The following CELSR1 variants were observed in gnomAD, a reference collection of about 807,000 sequenced individuals.
CELSR1 encodes the protein cadherin EGF LAG seven-pass G-type receptor 1, also known as adhesion G protein-coupled receptor C1.
CELSR1 carries 110 observed loss-of-function variants against 249.1 expected under a neutral mutation model. The observed-to-expected ratio is 0.44, with a 90% CI of 0.38 to 0.52. The LOEUF (loss-of-function observed/expected upper bound fraction) is 0.52, where lower values mean the gene tolerates loss of function less well. Ranked by LOEUF, CELSR1 falls within the 20% of genes least tolerant of loss-of-function variation. The probability of loss-of-function intolerance (pLI) is 0.00; values close to 1 mark genes in which losing one functional copy is unlikely to be tolerated. For synonymous variants in CELSR1, 2,113 were observed against 1,900.0 expected, an observed-to-expected ratio of 1.11 and a Z score of -2.92; for missense variants, 4,109 against 4,296.4, an observed-to-expected ratio of 0.96 and a Z score of 1.22.
Position 46,411,481 on chromosome 22 carries a change from G to C in CELSR1, c.4769+121C>G, listed in dbSNP as rs1228574447. ...GGACAGGATGTCTGACTCTAGCCTGGAATGAGGTCGCCAGGGCACTGCACC... is the reference window on the plus strand; with the variant it reads ...GGACAGGATGTCTGACTCTAGCCTGCAATGAGGTCGCCAGGGCACTGCACC... On this transcript the variant is annotated intron_variant, in intron 6 of 34. Coordinates refer to ENST00000674500, the MANE Select transcript of CELSR1 (RefSeq NM_001378328.1). The surrounding 1 kb of genome is among the most constrained non-coding windows in gnomAD (Gnocchi z 4.2). 1.8e-6 allele frequency: 2 copies of C among 1,131,098 alleles called. No homozygotes were observed. The highest frequency in any genetic ancestry group is 2.6e-5 in the East Asian group (1 of 38,948). 70.1% of individuals were successfully genotyped at this position (1,131,098 alleles called of 1,614,324 possible). A position where few individuals can be genotyped will look rare whatever the true frequency, so the allele number is the denominator to read the frequency against.
chr22:46,394,925 G>A (rs1011768070), intron 13 of CELSR1, among the ~76,000 whole-genome samples: 1 of 152,212 alleles, frequency 6.6e-6, no homozygotes, highest in Admixed American at 6.5e-5. Context: ...CTGTGCATGA[G>A]TCTCCCTACC....
chr22:46,442,588 CG>C (rs1462441724), intron 2 of CELSR1, among the ~76,000 whole-genome samples: 1 of 152,248 alleles, frequency 6.6e-6, no homozygotes, highest in Non-Finnish European at 1.5e-5. Flanking sequence ...ACCTCAGCCA[CG>C]GGCTGATTTC....
rs767776920 is a variant in CELSR1, at chr22:46,363,182, G to A, written c.*41C>T. 32 of 1,613,440 alleles carry A rather than the reference G, an allele frequency of 2.0e-5. No homozygotes were observed. The highest frequency in any genetic ancestry group is 1.3e-4 in the African/African-American group (10 of 74,752). Reference sequence around the variant, plus strand: ...GTGTGGGGTGACGGGCTTGCCTCACGGTTTCCTGATGGTTCAAATTGAAGT... The same window carrying A: ...GTGTGGGGTGACGGGCTTGCCTCACAGTTTCCTGATGGTTCAAATTGAAGT... On this transcript the variant is annotated 3_prime_UTR_variant, in exon 35 of 35. Coordinates refer to ENST00000674500, the MANE Select transcript of CELSR1 (RefSeq NM_001378328.1). This position sits in a 1 kb window ranked among gnomAD's most constrained non-coding sequence, Gnocchi z 4.3.
intron 27 of CELSR1, 160 bp downstream of exon 27, chr22:46,369,019 G>A (rs376703135): frequency 7.0e-5 from 41 of 584,102 alleles, no homozygotes; most frequent in Middle Eastern, 4.8e-4. Context: ...CAGGTGCAAC[G>A]TGGCAAACCT....
rs763514288 is a variant in CELSR1 at position 46,390,501 on chromosome 22, C to A, written c.6251-15G>T. On this transcript the variant is annotated splice_polypyrimidine_tract_variant and intron_variant, in intron 16 of 34. Coordinates refer to ENST00000674500, the MANE Select transcript of CELSR1 (RefSeq NM_001378328.1). The surrounding 1 kb of genome is among the most constrained non-coding windows in gnomAD (Gnocchi z 6.3). Reference sequence around the variant, plus strand: ...GACCGCATTTCCTGGGGAAGGAGAGCAGGTGTGCAAAGCCTGAAACTCAAA... The same window carrying A: ...GACCGCATTTCCTGGGGAAGGAGAGAAGGTGTGCAAAGCCTGAAACTCAAA... 1 of 1,605,894 alleles carries A rather than the reference C, an allele frequency of 6.2e-7. No homozygotes were observed. The highest frequency in any genetic ancestry group is 1.7e-5 in the Admixed American group (1 of 59,660).
intron 1 of CELSR1, among the ~76,000 whole-genome samples, chr22:46,521,758 A>C (rs1470561682): frequency 6.6e-6 from 1 of 152,062 alleles, no homozygotes; most frequent in Non-Finnish European, 1.5e-5. Flanking sequence ...TAGAGGCCGC[A>C]GTGAGCCAAG....
chr22:46,517,901 T>C lies in CELSR1; in HGVS notation c.3544+15726A>G. On this transcript the variant is annotated intron_variant, in intron 1 of 34. Coordinates refer to ENST00000674500, the MANE Select transcript of CELSR1 (RefSeq NM_001378328.1). This position sits in a 1 kb window ranked among gnomAD's most constrained non-coding sequence, Gnocchi z 5.4. ...ATTACACACCTCCCACGGTGTCCCCTTCCTTTTTTTTTTTTTTTGAGACAG... is the reference window on the plus strand; with the variant it reads ...ATTACACACCTCCCACGGTGTCCCCCTCCTTTTTTTTTTTTTTTGAGACAG... Among the ~76,000 whole-genome samples the C allele has an allele frequency of 1.0e-5, 1 of 95,486 alleles. No individual in the cohort carries two copies. Among genetic ancestry groups the C allele is most frequent in the South Asian group, 5.7e-4 (1 of 1,768 alleles). The allele number at this position is 95,486 out of a possible 152,430, so 62.6% of individuals were successfully genotyped here.
Position 46,536,322 on chromosome 22 carries a change from G to A in CELSR1, c.849C>T (p.Tyr283=). The A allele has an allele frequency of 6.2e-7, 1 of 1,612,800 alleles. No individual in the cohort carries two copies. ...AGCGCTCGTCGAACAGCCCCTCCATGTAATAGCTCACGCGCTCCTCCTCGC... is the reference window on the plus strand; with the variant it reads ...AGCGCTCGTCGAACAGCCCCTCCATATAATAGCTCACGCGCTCCTCCTCGC... ...IEGEEERVSY[Y]MEGLFDERSR... Residue 283 remains tyrosine (Y), a synonymous_variant, in exon 1 of 35, where the codon TAC becomes TAT. Coordinates refer to ENST00000674500, the MANE Select transcript of CELSR1 (RefSeq NM_001378328.1).
intron 1 of CELSR1, among the ~76,000 whole-genome samples, chr22:46,503,034 C>G (rs1405856674): frequency 6.6e-6 from 1 of 152,164 alleles, no homozygotes; most frequent in African/African-American, 2.4e-5. Flanking sequence ...CCAGGACAGC[C>G]CCCCTTCTCC....
intron 1 of CELSR1, among the ~76,000 whole-genome samples, chr22:46,507,171 A>G (rs955456945): frequency 6.6e-6 from 1 of 152,118 alleles, no homozygotes; most frequent in Non-Finnish European, 1.5e-5. Context: ...GGGCGACAAG[A>G]GTGAAACTCT....
In CELSR1 at chr22:46,490,626, G is replaced by C. The variant is rs5767221; in HGVS notation, c.3545-26281C>G. Reference sequence around the variant, plus strand: ...AAATGTTCTAAGCAGAGTGAGCGTCGTGGAGCCTCCCTCAGGCATGGCTGT... The same window carrying C: ...AAATGTTCTAAGCAGAGTGAGCGTCCTGGAGCCTCCCTCAGGCATGGCTGT... On this transcript the variant is annotated intron_variant, in intron 1 of 34. Transcript: ENST00000674500. This position sits in a 1 kb window ranked among gnomAD's most constrained non-coding sequence, Gnocchi z 5.2. Among the ~76,000 whole-genome samples the C allele has an allele frequency of 1.3e-5, 2 of 151,822 alleles. No individual in the cohort carries two copies. Among genetic ancestry groups the C allele is most frequent in the African/African-American group, 4.8e-5 (2 of 41,304 alleles).
rs1410664350 is a variant in CELSR1 at position 46,472,421 on chromosome 22, T to C, written c.3545-8076A>G. Among the ~76,000 whole-genome samples, 4 of 151,910 alleles carry C rather than the reference T, an allele frequency of 2.6e-5. No individual in the cohort carries two copies. Among genetic ancestry groups the C allele is most frequent in the Admixed American group, 2.6e-4 (4 of 15,266 alleles). On this transcript the variant is annotated intron_variant, in intron 1 of 34. Transcript: ENST00000674500. This position sits in a 1 kb window ranked among gnomAD's most constrained non-coding sequence, Gnocchi z 7.0. ...GCAGCCCTCAGGGGACAGGGGACAG[T>C]GCCGCAGTTCCGAGACTCGGTGGCA...
At position 46,365,395 on chromosome 22, in the gene CELSR1, G is replaced by C. The variant is rs1159532500; in HGVS notation, c.8405-15C>G. On this transcript the variant is annotated splice_polypyrimidine_tract_variant and intron_variant, in intron 31 of 34. Coordinates refer to ENST00000674500, the MANE Select transcript of CELSR1 (RefSeq NM_001378328.1). ...GGAATCGTGGCCTGTGGATGCGCGGGGGACAGGGAGGCTCAGGCCCTGGGA... is the reference window on the plus strand; with the variant it reads ...GGAATCGTGGCCTGTGGATGCGCGGCGGACAGGGAGGCTCAGGCCCTGGGA... 2.5e-6 allele frequency: 4 copies of C among 1,611,532 alleles called. No homozygotes were observed. Among genetic ancestry groups the C allele is most frequent in the East Asian group, 2.2e-5 (1 of 44,866 alleles).
At position 46,367,034 on chromosome 22, in the gene CELSR1, G is replaced by A. The variant is rs1288228206; in HGVS notation, c.8164C>T (p.His2722Tyr). Reference protein sequence around the residue: ...LKGVLGGRKLHLEDSATTRAT... With the variant: ...LKGVLGGRKLYLEDSATTRAT... ...CTGGTGGTGGCGGAGTCCTCCAGGT[G>A]CAGCTTCCTCCCGCCGAGCACGCCC... Residue 2722 changes from histidine (H) to tyrosine (Y), a missense_variant, in exon 29 of 35, where the codon CAC (histidine) becomes TAC (tyrosine). This residue lies in a region of CELSR1 where 1,805 missense variants were observed against 1,831.6 expected (regional missense o/e 0.99). Transcript: ENST00000674500. 17 of 1,610,780 alleles carry A rather than the reference G, an allele frequency of 1.1e-5. No individual in the cohort carries two copies. The Admixed American group carries it at 2.7e-4, about 25-fold the overall frequency.
intron 1 of CELSR1, among the ~76,000 whole-genome samples, chr22:46,522,429 T>C (rs1292375152): frequency 2.0e-5 from 3 of 152,222 alleles, no homozygotes; most frequent in Admixed American, 6.5e-5. Flanking sequence ...TGAATTTCCC[T>C]GTTGACTAAT....
Position 46,436,104 on chromosome 22 carries a change from G to T in CELSR1, c.4522+70C>A. Reference sequence around the variant, plus strand: ...GCAGCTTGGAGGCGCTGCACAGGGCGAGGGTCGTTTTAACCCACAAAGTAT... The same window carrying T: ...GCAGCTTGGAGGCGCTGCACAGGGCTAGGGTCGTTTTAACCCACAAAGTAT... On this transcript the variant is annotated intron_variant, in intron 4 of 34. Transcript: ENST00000674500. The surrounding 1 kb of genome is among the most constrained non-coding windows in gnomAD (Gnocchi z 5.9). 1 of 1,216,614 alleles carries T rather than the reference G, an allele frequency of 8.2e-7. No individual in the cohort carries two copies. 75.4% of individuals were successfully genotyped at this position (1,216,614 alleles called of 1,614,324 possible). A position where few individuals can be genotyped will look rare whatever the true frequency, so the allele number is the denominator to read the frequency against.
At chr22:46,529,330 T>G (rs1251511123) in intron 1 of CELSR1, among the ~76,000 whole-genome samples, 2 of 151,812 alleles carry the variant, frequency 1.3e-5, no homozygotes, top group Non-Finnish European at 2.9e-5. Flanking sequence ...GGTCATTATG[T>G]TAAGTGAAAT....
rs1039755113 is a variant in CELSR1, at chr22:46,437,619, T to C, written c.4407-1330A>G. On this transcript the variant is annotated intron_variant, in intron 3 of 34. Coordinates refer to ENST00000674500, the MANE Select transcript of CELSR1 (RefSeq NM_001378328.1). The surrounding 1 kb of genome is among the most constrained non-coding windows in gnomAD (Gnocchi z 4.9). ...TACGAAAATTAGCCGGGCATGGTGG[T>C]GGGCACCTGTAATCCCAGCTACTCA... 1.4e-4 allele frequency among the ~76,000 whole-genome samples: 22 copies of C among 151,856 alleles called. No individual in the cohort carries two copies. The highest frequency in any genetic ancestry group is 5.1e-4 in the African/African-American group (21 of 41,316).
chr22:46,379,962 G>A (rs2147212872), intron 22 of CELSR1, among the ~76,000 whole-genome samples: 1 of 152,280 alleles, frequency 6.6e-6, no homozygotes, highest in African/African-American at 2.4e-5. Flanking sequence ...AACAGAGACA[G>A]CAAAAGTGAA....
Sources: allele counts gnomAD v4.1 joint callset (sites outside exome capture counted in the v4.1 genomes callset), GRCh38; gene constraint gnomAD v4.1.1; regional missense constraint gnomAD v4.1.1; non-coding constraint Gnocchi (gnomAD v3.1); transcripts MANE v1.5; gene names NCBI Gene and HGNC (gene_info 2026-07-23, HGNC 2026-07-21).